Variants in ANO1 observed in about 807,000 individuals in gnomAD.
ANO1 encodes anoctamin 1, also known as anoctamin-1.
Under a neutral mutation model 124.0 loss-of-function variants are expected in ANO1, and 59 were observed. That is an observed-to-expected ratio of 0.48 (90% CI 0.39 to 0.59). The LOEUF is 0.59. Ranked by LOEUF, ANO1 falls within the 20% of genes least tolerant of loss-of-function variation. The probability of loss-of-function intolerance (pLI) is 0.00; values close to 1 mark genes in which losing one functional copy is unlikely to be tolerated. For synonymous variants in ANO1, 529 were observed against 532.0 expected (o/e 0.99, Z 0.08); for missense variants, 1,059 against 1,328.0 (o/e 0.80, Z 3.15).
At chr11:70,080,531 C>T (rs1369414843) in intron 1 of ANO1, among the ~76,000 whole-genome samples, 2 of 152,102 alleles carry the variant, frequency 1.3e-5, no homozygotes, top group Non-Finnish European at 2.9e-5. Flanking sequence ...CTAGACAAGA[C>T]CTGATGGTGA....
upstream of ANO1, among the ~76,000 whole-genome samples, chr11:70,074,272 C>G (rs567638124): frequency 1.3e-3 from 192 of 152,210 alleles, 3 homozygotes; most frequent in South Asian, 0.02. Context: ...TTATTAAACC[C>G]CTCTGAATGC....
chr11:70,163,435 G>A, intron 19 of ANO1, 95 bp downstream of exon 19: 3 of 1,435,962 alleles, frequency 2.1e-6, no homozygotes, highest in Non-Finnish European at 2.9e-6. Context: ...CAGCACATTT[G>A]TTCAGCAAAG....
At chr11:70,085,063 G>A (rs1462488691) in intron 1 of ANO1, among the ~76,000 whole-genome samples, 1 of 152,140 alleles carries the variant, frequency 6.6e-6, no homozygotes, top group Non-Finnish European at 1.5e-5. Flanking sequence ...CCGCACCTTG[G>A]GCGTGCAGAT....
rs1230110048 is a variant in ANO1 at position 70,142,413 on chromosome 11, T to C, written c.1259-7297T>C. 2.0e-5 allele frequency among the ~76,000 whole-genome samples: 3 copies of C among 152,080 alleles called. No homozygotes were observed. The South Asian group carries it at 6.2e-4, about 31-fold the overall frequency. ...GATCGTCTGCGGGAACTAAACTTGT[T>C]CCAGGGATAAATAGGTAGGGTGCCC... On this transcript the variant is annotated intron_variant, in intron 11 of 25. Coordinates refer to ENST00000355303, the MANE Select transcript of ANO1 (RefSeq NM_018043.7).
chr11:70,038,858 G>A (rs538977849), intron 1 of ANO1, among the ~76,000 whole-genome samples: 79 of 152,278 alleles, frequency 5.2e-4, no homozygotes, highest in Non-Finnish European at 9.6e-4. Flanking sequence ...ATGAGTGAAT[G>A]GTTTCAGTTA....
chr11:70,127,386 A>G (rs2046565831), intron 10 of ANO1, among the ~76,000 whole-genome samples: 2 of 152,170 alleles, frequency 1.3e-5, no homozygotes, highest in African/African-American at 4.8e-5. Context: ...TGCATCCCAC[A>G]GCATAGGCAG....
At chr11:70,124,211 C>A in intron 8 of ANO1, 139 bp from the exon 9 acceptor site, 1 of 725,480 alleles carries the variant, frequency 1.4e-6, no homozygotes. Context: ...ACGTTCACAG[C>A]CCACACAGCC....
At chr11:70,055,540 A>C (rs1446087694) in intron 1 of ANO1, among the ~76,000 whole-genome samples, 2 of 151,880 alleles carry the variant, frequency 1.3e-5, no homozygotes. Context: ...CCATCATTTG[A>C]CTTTTAATCA....
At chr11:70,071,161 G>C (rs934018404) in intron 1 of ANO1, among the ~76,000 whole-genome samples, 1 of 152,176 alleles carries the variant, frequency 6.6e-6, no homozygotes, top group African/African-American at 2.4e-5. Flanking sequence ...GTAATTAAAG[G>C]CTACTCTGTC....
chr11:70,161,747 C>T lies in ANO1; in HGVS notation c.1892+14C>T. 1 of 1,612,042 alleles carries T rather than the reference C, an allele frequency of 6.2e-7. No homozygotes were observed. Among genetic ancestry groups the T allele is most frequent in the Non-Finnish European group, 8.5e-7 (1 of 1,178,092 alleles). On this transcript the variant is annotated intron_variant, in intron 18 of 25. Coordinates refer to ENST00000355303, the MANE Select transcript of ANO1 (RefSeq NM_018043.7). ...CTTCAAAGGCCGGTAGGGACATCTTCAGCCTTTCCCCAACCTCGCTTCTCC... is the reference window on the plus strand; with the variant it reads ...CTTCAAAGGCCGGTAGGGACATCTTTAGCCTTTCCCCAACCTCGCTTCTCC...
chr11:70,111,924 G>A (rs920485309), intron 7 of ANO1, among the ~76,000 whole-genome samples, 162 bp downstream of exon 7: 2 of 152,234 alleles, frequency 1.3e-5, no homozygotes, highest in African/African-American at 4.8e-5. Context: ...TTCCCCGGGT[G>A]GGGGCCAAGA....
intron 9 of ANO1, among the ~76,000 whole-genome samples, chr11:70,125,827 G>A (rs1415161758): frequency 1.4e-5 from 2 of 143,488 alleles, no homozygotes; most frequent in East Asian, 4.1e-4. Flanking sequence ...CTGGGCAACA[G>A]AGCGAGACTC....
chr11:70,126,292 C>G (rs935613914), intron 10 of ANO1, 97 bp downstream of exon 10: 3 of 1,428,670 alleles, frequency 2.1e-6, no homozygotes, highest in Non-Finnish European at 2.8e-6. Context: ...GCCTCTCACA[C>G]CAATTCCTGT....
intron 1 of ANO1, among the ~76,000 whole-genome samples, chr11:70,067,166 G>C (rs900756927): frequency 6.6e-6 from 1 of 152,116 alleles, no homozygotes; most frequent in Non-Finnish European, 1.5e-5. Flanking sequence ...AGAAACTGCT[G>C]TTCCCACCTT....
intron 1 of ANO1, among the ~76,000 whole-genome samples, chr11:69,992,423 T>C (rs1856174649): frequency 6.6e-6 from 1 of 152,134 alleles, no homozygotes; most frequent in Non-Finnish European, 1.5e-5. Flanking sequence ...CACTTTGAAC[T>C]CCAGACAAGG....
At chr11:70,096,316 C>A (rs569864155) in intron 2 of ANO1, among the ~76,000 whole-genome samples, 1 of 152,286 alleles carries the variant, frequency 6.6e-6, no homozygotes, top group South Asian at 2.1e-4. Context: ...GGTTCCAGTC[C>A]TCCTTTTCCT....
upstream of ANO1, among the ~76,000 whole-genome samples, chr11:70,074,605 C>CA (rs2044033381): frequency 6.6e-6 from 1 of 152,116 alleles, no homozygotes; most frequent in Non-Finnish European, 1.5e-5. Context: ...CTGGCCCCCC[C>CA]AGGTCCAGTT....
chr11:70,057,083 G>A (rs1857453359), intron 1 of ANO1, among the ~76,000 whole-genome samples: 1 of 151,274 alleles, frequency 6.6e-6, no homozygotes. Context: ...TCTGCTGTTG[G>A]TCTGTTTCTA....
At chr11:70,149,853 C>G in intron 12 of ANO1, 61 bp downstream of exon 12, 2 of 1,564,966 alleles carry the variant, frequency 1.3e-6, no homozygotes, top group South Asian at 1.1e-5. Context: ...TACCCCAGGA[C>G]CTCCTTGGGA....
Sources: allele counts gnomAD v4.1 joint callset (sites outside exome capture counted in the v4.1 genomes callset), GRCh38; gene constraint gnomAD v4.1.1; transcripts MANE v1.5; gene names NCBI Gene and HGNC (gene_info 2026-07-23, HGNC 2026-07-21).